SRBD1: variants seen among roughly 807,000 people sequenced by gnomAD.
SRBD1 encodes the protein S1 RNA-binding domain-containing protein 1.
SRBD1 carries 88 observed loss-of-function variants against 115.3 expected under a neutral mutation model. The observed-to-expected ratio is 0.76, with a 90% CI of 0.64 to 0.91. The LOEUF (loss-of-function observed/expected upper bound fraction) is 0.91, where lower values mean the gene tolerates loss of function less well. SRBD1 is among the 40% of genes least tolerant of loss of function. The pLI, the probability that SRBD1 is intolerant of heterozygous loss-of-function variation, is 0.00. For missense variants in SRBD1, 1,385 were observed against 1,177.4 expected (o/e 1.18, Z -2.58); for synonymous variants, 509 against 407.7 (o/e 1.25, Z -2.99).
intron 15 of SRBD1, among the ~76,000 whole-genome samples, chr2:45,477,604 C>T (rs985337084): frequency 6.6e-6 from 1 of 152,056 alleles, no homozygotes; most frequent in Admixed American, 6.5e-5. Flanking sequence ...GGATAGAGTG[C>T]AGTGGTGCCA....
chr2:45,514,047 G>A (rs1050175351), intron 14 of SRBD1, among the ~76,000 whole-genome samples: 7 of 152,072 alleles, frequency 4.6e-5, no homozygotes, highest in Non-Finnish European at 8.8e-5. Context: ...CCTATCAACT[G>A]TGAACAACAC....
intron 14 of SRBD1, among the ~76,000 whole-genome samples, chr2:45,504,338 A>G (rs895710494): frequency 6.6e-6 from 1 of 152,130 alleles, no homozygotes; most frequent in Non-Finnish European, 1.5e-5. Context: ...CTGGTTCCCA[A>G]AAAAATGACT....
intron 4 of SRBD1, among the ~76,000 whole-genome samples, chr2:45,587,397 T>C (rs996309104): frequency 6.6e-6 from 1 of 151,662 alleles, no homozygotes; most frequent in Non-Finnish European, 1.5e-5. Flanking sequence ...TTTACAAAAG[T>C]CAGCCCGGAA....
At chr2:45,398,903 T>G (rs565866353) in intron 19 of SRBD1, among the ~76,000 whole-genome samples, 46 of 152,200 alleles carry the variant, frequency 3.0e-4, no homozygotes, top group Non-Finnish European at 6.2e-4. Context: ...TAAATGAGTA[T>G]GAGTATATAA....
chr2:45,482,476 G>A (rs1572688937), intron 15 of SRBD1, among the ~76,000 whole-genome samples: 1 of 152,052 alleles, frequency 6.6e-6, no homozygotes, highest in African/African-American at 2.4e-5. Context: ...AGAATGGGGA[G>A]ATGCTGGTGA....
At chr2:45,592,672 C>T (rs964540815) in intron 4 of SRBD1, among the ~76,000 whole-genome samples, 12 of 152,118 alleles carry the variant, frequency 7.9e-5, no homozygotes, top group African/African-American at 2.9e-4. Context: ...GGATACCTTC[C>T]ACTGGTAACA....
chr2:45,562,598 G>C, intron 10 of SRBD1, 55 bp downstream of exon 10: 1 of 1,329,440 alleles, frequency 7.5e-7, no homozygotes, highest in South Asian at 1.3e-5. Context: ...ATAGATATCG[G>C]TATCATATTT....
chr2:45,552,888 T>A (rs1006364695), intron 11 of SRBD1, among the ~76,000 whole-genome samples: 2 of 152,172 alleles, frequency 1.3e-5, no homozygotes, highest in Non-Finnish European at 2.9e-5. Context: ...AAGCCCTACA[T>A]AGGCTGCTAA....
chr2:45,565,254 T>C (rs543858861), intron 9 of SRBD1, among the ~76,000 whole-genome samples: 1 of 152,304 alleles, frequency 6.6e-6, no homozygotes, highest in African/African-American at 2.4e-5. Context: ...GCCACAGTTA[T>C]CAAGACAGTG....
chr2:45,573,069 C>A, intron 9 of SRBD1, 138 bp downstream of exon 9: 1 of 985,056 alleles, frequency 1.0e-6, no homozygotes, highest in Non-Finnish European at 1.4e-6. Context: ...AAGGATATGA[C>A]AATATTATAA....
At chr2:45,581,634 GA>G (rs1427723610) in intron 6 of SRBD1, 58 bp downstream of exon 6, 1 of 1,310,322 alleles carries the variant, frequency 7.6e-7, no homozygotes, top group African/African-American at 1.5e-5. Flanking sequence ...TTAATCATAA[GA>G]AGACCCAAAT....
At chr2:45,496,251 T>C (rs943257039) in intron 14 of SRBD1, among the ~76,000 whole-genome samples, 3 of 152,244 alleles carry the variant, frequency 2.0e-5, no homozygotes, top group Admixed American at 2.0e-4. Context: ...TTCAGATTGC[T>C]ATGGCATAGA....
intron 16 of SRBD1, among the ~76,000 whole-genome samples, chr2:45,475,717 G>C (rs1185242796): frequency 6.6e-6 from 1 of 151,970 alleles, no homozygotes; most frequent in African/African-American, 2.4e-5. Context: ...TTTCTTTCTC[G>C]AGATGGAGTC....
intron 15 of SRBD1, among the ~76,000 whole-genome samples, chr2:45,485,912 G>A (rs919427000): frequency 6.6e-6 from 1 of 152,144 alleles, no homozygotes; most frequent in African/African-American, 2.4e-5. Flanking sequence ...TTGAATATTT[G>A]ACTCCAGGAC....
At chr2:45,442,912 A>C (rs1343606578) in intron 16 of SRBD1, among the ~76,000 whole-genome samples, 1 of 152,148 alleles carries the variant, frequency 6.6e-6, no homozygotes, top group African/African-American at 2.4e-5. Context: ...TCTCGTCCCT[A>C]AAAGTAAGTT....
At position 45,502,834 on chromosome 2, in the gene SRBD1, A is replaced by T. The variant is rs182602539; in HGVS notation, c.1875-14503T>A. On this transcript the variant is annotated intron_variant, in intron 14 of 20. Coordinates refer to ENST00000263736, the MANE Select transcript of SRBD1 (RefSeq NM_018079.5). ...CCTAGAACTTAAAGTATAATAAATT[A>T]AAAAAAAAAAGATATCACTCTGTCA... Among the ~76,000 whole-genome samples the T allele has an allele frequency of 2.2e-3, 318 of 143,062 alleles. 4 individuals carry two copies. The highest frequency in any genetic ancestry group is 0.011 in the Middle Eastern group (3 of 282). The allele number at this position is 143,062 out of a possible 152,430, so 93.9% of individuals were successfully genotyped here.
Position 45,467,384 on chromosome 2 carries a change from G to A in SRBD1, c.2049+9609C>T, listed in dbSNP as rs1307080961. On this transcript the variant is annotated intron_variant, in intron 16 of 20. Coordinates refer to ENST00000263736, the MANE Select transcript of SRBD1 (RefSeq NM_018079.5). Reference sequence around the variant, plus strand: ...AAATAATTTAAGAGTGAGGGAAGCAGGTAGTGGCGAAAAGAAAATAGTATA... The same window carrying A: ...AAATAATTTAAGAGTGAGGGAAGCAAGTAGTGGCGAAAAGAAAATAGTATA... Among the ~76,000 whole-genome samples, 5 of 152,186 alleles carry A rather than the reference G, an allele frequency of 3.3e-5. No homozygotes were observed. The South Asian group carries it at 1.0e-3, about 31-fold the overall frequency.
chr2:45,423,535 A>G (rs1183547253), intron 16 of SRBD1, among the ~76,000 whole-genome samples: 3 of 152,182 alleles, frequency 2.0e-5, no homozygotes, highest in African/African-American at 7.2e-5. Flanking sequence ...GAACAAACCT[A>G]TAAGTACAGT....
At chr2:45,545,646 G>GT (rs557132560) in intron 14 of SRBD1, among the ~76,000 whole-genome samples, 1 of 152,116 alleles carries the variant, frequency 6.6e-6, no homozygotes, top group African/African-American at 2.4e-5. Flanking sequence ...AAGATCCACC[G>GT]TATTTCCCAG....
Sources: gnomAD v4.1 joint callset for allele counts (sites outside exome capture counted in the v4.1 genomes callset) on GRCh38, gnomAD v4.1.1 for gene constraint, MANE v1.5 for transcripts, NCBI Gene and HGNC (gene_info 2026-07-23, HGNC 2026-07-21) for gene names.